The following THSD7B variants were observed in gnomAD, a reference collection of about 807,000 sequenced individuals.
THSD7B encodes the protein thrombospondin type-1 domain-containing protein 7B.
In THSD7B, 138 loss-of-function variants were observed where a neutral mutation model predicts 213.6. The ratio of observed to expected loss-of-function variants is 0.65; its 90% confidence interval spans 0.56 to 0.74. The LOEUF is 0.74. THSD7B is among the 30% of genes least tolerant of loss of function. The probability of loss-of-function intolerance (pLI) is 0.00; values close to 1 mark genes in which losing one functional copy is unlikely to be tolerated. For synonymous variants in THSD7B, 742 were observed against 687.0 expected (o/e 1.08, Z -1.25); for missense variants, 1,931 against 1,991.5 (o/e 0.97, Z 0.58).
At chr2:137,494,813 T>A (rs1419549707) in intron 15 of THSD7B, among the ~76,000 whole-genome samples, 3 of 152,216 alleles carry the variant, frequency 2.0e-5, no homozygotes, top group Non-Finnish European at 4.4e-5. Flanking sequence ...CATCTAGAAT[T>A]ACATGCAAAC....
intron 11 of THSD7B, among the ~76,000 whole-genome samples, chr2:137,275,503 A>G (rs1682849369): frequency 6.6e-6 from 1 of 151,638 alleles, no homozygotes; most frequent in Non-Finnish European, 1.5e-5. Context: ...CACCAGTGGG[A>G]CACAGGGATT....
rs142241871 is a variant in THSD7B at position 137,003,802 on chromosome 2, A to G, written c.140-52618A>G. Among the ~76,000 whole-genome samples, 115 of 152,286 alleles carry G rather than the reference A, an allele frequency of 7.6e-4. 2 individuals carry two copies. The East Asian group carries it at 0.015, about 19-fold the overall frequency. On this transcript the variant is annotated intron_variant, in intron 2 of 27. Transcript: ENST00000409968. ...GGTATCAGTTCCAGCTTACAGGTAA[A>G]GGAAAAAGAGTCACAAAGCATTGAA... is the stretch of plus-strand genomic sequence containing the variant.
chr2:137,510,518 G>A (rs549797140), intron 15 of THSD7B, among the ~76,000 whole-genome samples: 71 of 152,232 alleles, frequency 4.7e-4, no homozygotes, highest in South Asian at 8.3e-4. Context: ...ACATATGTGT[G>A]TGTATTTTAT....
At chr2:137,416,344 C>T (rs991581940) in intron 14 of THSD7B, among the ~76,000 whole-genome samples, 7 of 152,224 alleles carry the variant, frequency 4.6e-5, no homozygotes, top group Admixed American at 2.0e-4. Flanking sequence ...ATGTACTTCA[C>T]CTGGCATGCC....
At chr2:137,368,234 A>G (rs1685464263) in intron 12 of THSD7B, among the ~76,000 whole-genome samples, 1 of 151,990 alleles carries the variant, frequency 6.6e-6, no homozygotes, top group East Asian at 1.9e-4. Flanking sequence ...AAGAAAAATC[A>G]TTGTAAATTA....
intron 12 of THSD7B, among the ~76,000 whole-genome samples, chr2:137,308,575 G>C (rs908330588): frequency 6.6e-6 from 1 of 151,916 alleles, no homozygotes; most frequent in African/African-American, 2.4e-5. Context: ...TATTGAACAA[G>C]CAACAATTTT....
chr2:136,983,358 G>GACACACACACACACACACACAC (rs778968995), intron 2 of THSD7B, among the ~76,000 whole-genome samples: 3,934 of 105,036 alleles, frequency 0.037, 154 homozygotes, highest in Non-Finnish European at 0.059. Context: ...CAGACACACA[G>GACACACACACACACACACACAC]ACACACACAC....
At chr2:137,270,704 G>T (rs1682712821) in intron 10 of THSD7B, among the ~76,000 whole-genome samples, 1 of 152,142 alleles carries the variant, frequency 6.6e-6, no homozygotes, top group Non-Finnish European at 1.5e-5. Flanking sequence ...CAGAGCCTTG[G>T]TGACTGGTCT....
At chr2:137,010,948 G>A (rs1158749981) in intron 2 of THSD7B, among the ~76,000 whole-genome samples, 2 of 152,044 alleles carry the variant, frequency 1.3e-5, no homozygotes, top group South Asian at 2.1e-4. Context: ...GGCAGGGAGA[G>A]GCCTCTCAGG....
chr2:137,175,434 G>C (rs1573868354), intron 7 of THSD7B, among the ~76,000 whole-genome samples: 1 of 152,306 alleles, frequency 6.6e-6, no homozygotes, highest in Admixed American at 6.5e-5. Flanking sequence ...GAGTTCTGCA[G>C]TGTTGCCAAA....
intron 27 of THSD7B, 60 bp downstream of exon 27, chr2:137,667,921 TA>T (rs35158611): frequency 2.2e-6 from 3 of 1,357,954 alleles, no homozygotes; most frequent in East Asian, 5.1e-5. Context: ...ATGTTATACT[TA>T]AAACAAGTAT....
intron 15 of THSD7B, among the ~76,000 whole-genome samples, chr2:137,544,243 C>T (rs747076457): frequency 1.3e-5 from 2 of 151,536 alleles, no homozygotes; most frequent in African/African-American, 4.8e-5. Flanking sequence ...AAATGTAGTA[C>T]GTTCACACAA....
At chr2:137,099,320 C>T (rs1688102044) in intron 4 of THSD7B, among the ~76,000 whole-genome samples, 1 of 152,032 alleles carries the variant, frequency 6.6e-6, no homozygotes, top group Non-Finnish European at 1.5e-5. Context: ...ATATTATATC[C>T]CAGATCTCAA....
At chr2:137,594,112 A>C (rs1681914432) in intron 17 of THSD7B, among the ~76,000 whole-genome samples, 1 of 152,010 alleles carries the variant, frequency 6.6e-6, no homozygotes, top group Admixed American at 6.6e-5. Context: ...CAAGGGTGCT[A>C]TTTCAAATGA....
In THSD7B at chr2:136,773,086, G is replaced by A. The variant is rs191246078; in HGVS notation, c.-36+7399G>A. Among the ~76,000 whole-genome samples, 67 of 152,038 alleles carry A rather than the reference G, an allele frequency of 4.4e-4. 1 individual carries two copies. Among genetic ancestry groups the A allele is most frequent in the Admixed American group, 2.8e-3 (43 of 15,262 alleles). Reference sequence around the variant, plus strand: ...TTCAGCGCTGTCTAAAAGTGTGATCGGCTGTCTCAGGGAAATGTGAGTTGC... The same window carrying A: ...TTCAGCGCTGTCTAAAAGTGTGATCAGCTGTCTCAGGGAAATGTGAGTTGC... On this transcript the variant is annotated intron_variant, in intron 1 of 27. Transcript: ENST00000409968.
chr2:136,979,675 T>C (rs1685541549), intron 2 of THSD7B, among the ~76,000 whole-genome samples: 2 of 152,206 alleles, frequency 1.3e-5, no homozygotes, highest in Non-Finnish European at 2.9e-5. Flanking sequence ...TAACAGCTCT[T>C]GTAATGTTTT....
At chr2:137,424,838 G>A (rs942246230) in intron 14 of THSD7B, among the ~76,000 whole-genome samples, 2 of 152,012 alleles carry the variant, frequency 1.3e-5, no homozygotes, top group Admixed American at 6.5e-5. Flanking sequence ...TTGGGAGGCC[G>A]AGGGAGGCAG....
intron 14 of THSD7B, among the ~76,000 whole-genome samples, chr2:137,447,890 T>C (rs1488031375): frequency 6.6e-6 from 1 of 152,090 alleles, no homozygotes; most frequent in African/African-American, 2.4e-5. Flanking sequence ...GTTCCTTATA[T>C]AGGAAAATGC....
intron 7 of THSD7B, among the ~76,000 whole-genome samples, chr2:137,226,383 T>C (rs1166685942): frequency 1.3e-5 from 2 of 151,694 alleles, no homozygotes; most frequent in African/African-American, 4.8e-5. Flanking sequence ...CATATCTTTA[T>C]TTTTTTCTTT....
Sources: gnomAD v4.1 joint callset for allele counts (sites outside exome capture counted in the v4.1 genomes callset) on GRCh38, gnomAD v4.1.1 for gene constraint, MANE v1.5 for transcripts, NCBI Gene and HGNC (gene_info 2026-07-23, HGNC 2026-07-21) for gene names.